Variants in FUBP3 observed in about 807,000 individuals in gnomAD.
The protein encoded by FUBP3 is far upstream element binding protein 3, also known as far upstream element-binding protein 3.
In FUBP3, 28 loss-of-function variants were observed where a neutral mutation model predicts 85.6. That is an observed-to-expected ratio of 0.33 (90% CI 0.24 to 0.45). FUBP3 has a LOEUF of 0.45. FUBP3 is among the 20% of genes least tolerant of loss of function. The pLI, the probability that FUBP3 is intolerant of heterozygous loss-of-function variation, is 1.00. For missense variants in FUBP3, 583 were observed against 755.1 expected, an observed-to-expected ratio of 0.77 and a Z score of 2.67; for synonymous variants, 271 against 271.4, an observed-to-expected ratio of 1.00 and a Z score of 0.01.
chr9:130,632,275 C>T lies in FUBP3; in HGVS notation c.1507C>T (p.Pro503Ser). ...QAWQQPTQQVPSQQSQPQSSQ... is the reference protein window; with the variant it reads ...QAWQQPTQQVSSQQSQPQSSQ... ...GTGGCAGCAGCCCACACAGCAGGTC[C>T]CAAGTAAGTGACTCGGGGCGGGGAG... Residue 503 changes from proline (P) to serine (S), a missense_variant, in exon 16 of 19, where the codon CCA becomes TCA. Pro to Ser is a moderately conservative substitution (Grantham distance 74). Transcript: ENST00000319725. 1 of 1,612,652 alleles carries T rather than the reference C, an allele frequency of 6.2e-7. No homozygotes were observed. The highest frequency in any genetic ancestry group is 8.5e-7 in the Non-Finnish European group (1 of 1,179,056).
chr9:130,618,883 G>A (rs1005819786), intron 8 of FUBP3, among the ~76,000 whole-genome samples: 3 of 152,200 alleles, frequency 2.0e-5, no homozygotes, highest in Non-Finnish European at 2.9e-5. Flanking sequence ...ACAGGAGTGA[G>A]GGCAGTGGTG....
intron 1 of FUBP3, among the ~76,000 whole-genome samples, chr9:130,588,244 C>T (rs963804864): frequency 2.0e-5 from 3 of 152,170 alleles, no homozygotes; most frequent in African/African-American, 4.8e-5. Context: ...ACTAGTTTGG[C>T]TTTGGACAAG....
At chr9:130,625,831 G>T (rs1829948325) in intron 11 of FUBP3, among the ~76,000 whole-genome samples, 1 of 152,090 alleles carries the variant, frequency 6.6e-6, no homozygotes, top group African/African-American at 2.4e-5. Context: ...CTGCTTGGGG[G>T]CACAACAGCC....
intron 8 of FUBP3, among the ~76,000 whole-genome samples, chr9:130,618,552 A>G (rs900840248): frequency 1.3e-5 from 2 of 151,824 alleles, no homozygotes; most frequent in African/African-American, 4.8e-5. Context: ...TGTCCTTCCA[A>G]CTCTTGCTAG....
Position 130,595,470 on chromosome 9 carries a change from A to G in FUBP3, c.85-13A>G. The G allele has an allele frequency of 7.8e-7, 1 of 1,289,664 alleles. No individual in the cohort carries two copies. Among genetic ancestry groups the G allele is most frequent in the South Asian group, 1.2e-5 (1 of 84,522 alleles). The allele number at this position is 1,289,664 out of a possible 1,614,324, so 79.9% of individuals were successfully genotyped here. ...GTTTGTTACTGAGTGTTTAAATCTG[A>G]TTCTCTCTGTAGATTGCTGCTAAAA... On this transcript the variant is annotated splice_polypyrimidine_tract_variant and intron_variant, in intron 1 of 18. Coordinates refer to ENST00000319725, the MANE Select transcript of FUBP3 (RefSeq NM_003934.2).
chr9:130,591,167 G>A (rs915996024), intron 1 of FUBP3, among the ~76,000 whole-genome samples: 1 of 152,142 alleles, frequency 6.6e-6, no homozygotes, highest in South Asian at 2.1e-4. Flanking sequence ...TAATAAGGCC[G>A]GGCACGGTGG....
intron 16 of FUBP3, among the ~76,000 whole-genome samples, chr9:130,634,100 C>T (rs1326899895): frequency 2.0e-5 from 3 of 152,226 alleles, no homozygotes; most frequent in Non-Finnish European, 4.4e-5. Context: ...CCCCAGTCTT[C>T]ACTGCCCACA....
chr9:130,613,078 C>T lies in FUBP3; in HGVS notation c.346+51C>T, dbSNP rs754731655. 7.0e-6 allele frequency: 8 copies of T among 1,148,116 alleles called. No individual in the cohort carries two copies. The Admixed American group carries it at 1.0e-4, about 15-fold the overall frequency. The allele number at this position is 1,148,116 out of a possible 1,614,324, so 71.1% of individuals were successfully genotyped here. On this transcript the variant is annotated intron_variant, in intron 5 of 18. Transcript: ENST00000319725. ...CAATTTTGTAGAAATCAGTATTTTG[C>T]AAAACTTTCCAGATTCGGTACTTTG...
intron 8 of FUBP3, among the ~76,000 whole-genome samples, chr9:130,619,701 A>G (rs539844844): frequency 7.2e-5 from 11 of 152,344 alleles, no homozygotes; most frequent in African/African-American, 2.2e-4. Context: ...GTTGGCCAAC[A>G]TGCAGTGATA....
intron 1 of FUBP3, among the ~76,000 whole-genome samples, chr9:130,591,557 A>G (rs1830626108): frequency 6.6e-6 from 1 of 152,182 alleles, no homozygotes; most frequent in Non-Finnish European, 1.5e-5. Context: ...TTCTTTACAG[A>G]ATAATGTAAC....
chr9:130,622,342 A>AG (rs60907534), intron 9 of FUBP3, among the ~76,000 whole-genome samples: 2 of 143,246 alleles, frequency 1.4e-5, no homozygotes, highest in Non-Finnish European at 3.0e-5. Context: ...AAAAAAAAAA[A>AG]GTGTCCTGGC....
At chr9:130,611,934 C>T (rs1831766479) in intron 3 of FUBP3, among the ~76,000 whole-genome samples, 1 of 151,980 alleles carries the variant, frequency 6.6e-6, no homozygotes, top group South Asian at 2.1e-4. Flanking sequence ...CCATTTGGGG[C>T]GTCTCACCGT....
In FUBP3 at chr9:130,616,544, A is replaced by G. The variant is rs1156639146; in HGVS notation, c.567+27A>G. 1 of 1,610,194 alleles carries G rather than the reference A, an allele frequency of 6.2e-7. No individual in the cohort carries two copies. The highest frequency in any genetic ancestry group is 8.5e-7 in the Non-Finnish European group (1 of 1,176,682). ...TGTGTGAGCCCGGAGCACGGAGCAC[A>G]GCGGCCGCTCGCAGCAGGTCTTCAG... On this transcript the variant is annotated intron_variant, in intron 7 of 18. Transcript: ENST00000319725. This position sits in a 1 kb window ranked among gnomAD's most constrained non-coding sequence, Gnocchi z 4.7.
chr9:130,626,460 A>G lies in FUBP3; in HGVS notation c.1072A>G (p.Thr358Ala). The change falls in exon 12 of 19, where the codon ACA (threonine) becomes GCA (alanine). Residue 358 changes from threonine to alanine, a missense_variant. Transcript: ENST00000319725. ...VGAPGGVQEI[T>A]YTVPADKCGL... Reference sequence around the variant, plus strand: ...AGCCCCTGGTGGCGTCCAGGAGATAACATACACGGTGCCAGCCGATAAGTG... The same window carrying G: ...AGCCCCTGGTGGCGTCCAGGAGATAGCATACACGGTGCCAGCCGATAAGTG... The G allele has an allele frequency of 6.2e-7, 1 of 1,614,150 alleles. No homozygotes were observed. The highest frequency in any genetic ancestry group is 1.3e-5 in the African/African-American group (1 of 75,038).
rs191134970 is a variant in FUBP3 at position 130,614,475 on chromosome 9, C to T, written c.404+130C>T. On this transcript the variant is annotated intron_variant, in intron 6 of 18. Transcript: ENST00000319725. ...GTCTGGCCACACAGGTAGATAATTC[C>T]ATAGGAAAAAAATCTGGGAGGTTAC... The T allele has an allele frequency of 2.6e-4, 149 of 574,740 alleles. No homozygotes were observed. The African/African-American group carries it at 2.7e-3, about 10-fold the overall frequency. 35.6% of individuals were successfully genotyped at this position (574,740 alleles called of 1,614,324 possible).
Position 130,616,124 on chromosome 9 carries a change from G to A in FUBP3, c.405-231G>A, listed in dbSNP as rs1831996185. ...GCAGAGGGCAGGCTTGAAAGGGGCG[G>A]CAAGGCTCTGTGTCACAGCGTTGGT... is the stretch of plus-strand genomic sequence containing the variant. On this transcript the variant is annotated intron_variant, in intron 6 of 18. Transcript: ENST00000319725. This position sits in a 1 kb window ranked among gnomAD's most constrained non-coding sequence, Gnocchi z 4.7. Among the ~76,000 whole-genome samples the A allele has an allele frequency of 6.6e-6, 1 of 152,144 alleles. No individual in the cohort carries two copies. The highest frequency in any genetic ancestry group is 1.5e-5 in the Non-Finnish European group (1 of 68,036).
Position 130,614,339 on chromosome 9 carries a change from G to A in FUBP3, c.398G>A (p.Ser133Asn). 6.3e-7 allele frequency: 1 copy of A among 1,586,220 alleles called. No homozygotes were observed. The highest frequency in any genetic ancestry group is 8.7e-7 in the Non-Finnish European group (1 of 1,155,082). The change falls in exon 6 of 19, where the codon AGT (serine) becomes AAT (asparagine). Residue 133 changes from serine to asparagine, a missense_variant. Physicochemically the swap from Ser to Asn is conservative, Grantham distance 46. Coordinates refer to ENST00000319725, the MANE Select transcript of FUBP3 (RefSeq NM_003934.2). ...RPCVLTGTPE[S>N]IEQAKRLLGQ... is the part of the protein sequence containing the mutation. ...TGTGTACTTACCGGAACCCCAGAAA[G>A]TATTGAGTAAGTTTATTTTATTTAC...
At chr9:130,583,202 T>G (rs1830206485) in intron 1 of FUBP3, among the ~76,000 whole-genome samples, 1 of 152,174 alleles carries the variant, frequency 6.6e-6, no homozygotes, top group Non-Finnish European at 1.5e-5. Context: ...AAATGTTGAT[T>G]GGTGTGGGGC....
At chr9:130,590,667 T>C (rs1359176309) in intron 1 of FUBP3, among the ~76,000 whole-genome samples, 1 of 152,174 alleles carries the variant, frequency 6.6e-6, no homozygotes, top group Non-Finnish European at 1.5e-5. Flanking sequence ...CTTAAGTAAC[T>C]ACTGTTTAAA....
Sources: gnomAD v4.1 joint callset for allele counts (sites outside exome capture counted in the v4.1 genomes callset) on GRCh38, gnomAD v4.1.1 for gene constraint, Gnocchi (gnomAD v3.1) non-coding constraint, MANE v1.5 for transcripts, NCBI Gene and HGNC (gene_info 2026-07-23, HGNC 2026-07-21) for gene names.